MACROD2: variants seen among roughly 807,000 people sequenced by gnomAD.
MACROD2 encodes mono-ADP ribosylhydrolase 2, also known as ADP-ribose glycohydrolase MACROD2.
A neutral mutation model predicts 70.4 loss-of-function variants in MACROD2; 36 were observed. The ratio of observed to expected loss-of-function variants is 0.51; its 90% confidence interval spans 0.39 to 0.68. The LOEUF (loss-of-function observed/expected upper bound fraction) is 0.68, where lower values mean the gene tolerates loss of function less well. MACROD2 is among the 30% of genes least tolerant of loss of function. MACROD2 has a pLI of 0.00. For missense variants in MACROD2, 496 were observed against 538.4 expected (o/e 0.92, Z 0.78); for synonymous variants, 172 against 178.8 (o/e 0.96, Z 0.30).
chr20:14,369,685 G>A (rs536260749), intron 3 of MACROD2, among the ~76,000 whole-genome samples: 36 of 152,160 alleles, frequency 2.4e-4, no homozygotes, highest in African/African-American at 7.7e-4. Flanking sequence ...TGCACTGTCC[G>A]TTGAATACTA....
chr20:14,977,206 C>T (rs1160581088), intron 5 of MACROD2, among the ~76,000 whole-genome samples: 1 of 151,974 alleles, frequency 6.6e-6, no homozygotes, highest in East Asian at 1.9e-4. Flanking sequence ...ATCATAATAA[C>T]CTTCCCTGCC....
At chr20:15,769,305 G>T (rs1020649371) in intron 8 of MACROD2, among the ~76,000 whole-genome samples, 2 of 152,014 alleles carry the variant, frequency 1.3e-5, no homozygotes, top group Admixed American at 1.3e-4. Flanking sequence ...GCGCCACCAC[G>T]CCCGGCTAAT....
intron 8 of MACROD2, among the ~76,000 whole-genome samples, chr20:15,661,711 C>T (rs2049824381): frequency 6.6e-6 from 1 of 152,126 alleles, no homozygotes; most frequent in Non-Finnish European, 1.5e-5. Flanking sequence ...AGGGCAGTAC[C>T]CACATCAAAA....
intron 8 of MACROD2, among the ~76,000 whole-genome samples, chr20:15,716,318 C>G (rs2050706870): frequency 6.6e-6 from 1 of 152,150 alleles, no homozygotes; most frequent in Non-Finnish European, 1.5e-5. Flanking sequence ...GTAAATGTCT[C>G]CTCCAGATAC....
At chr20:15,352,048 A>C (rs1358290438) in intron 6 of MACROD2, among the ~76,000 whole-genome samples, 1 of 152,188 alleles carries the variant, frequency 6.6e-6, no homozygotes, top group Admixed American at 6.5e-5. Context: ...AAATTAGGAG[A>C]TCATCTGGCC....
intron 8 of MACROD2, among the ~76,000 whole-genome samples, chr20:15,744,219 G>A (rs1036800854): frequency 6.6e-6 from 1 of 152,066 alleles, no homozygotes; most frequent in Non-Finnish European, 1.5e-5. Flanking sequence ...ACCAAATATT[G>A]AAAGACTAAA....
At chr20:14,521,787 T>C (rs1261976242) in intron 4 of MACROD2, among the ~76,000 whole-genome samples, 1 of 152,224 alleles carries the variant, frequency 6.6e-6, no homozygotes, top group Non-Finnish European at 1.5e-5. Context: ...GCCATGGATA[T>C]TTTCAGCTCT....
At chr20:14,752,083 C>A (rs868714422) in intron 5 of MACROD2, among the ~76,000 whole-genome samples, 25 of 126,852 alleles carry the variant, frequency 2.0e-4, no homozygotes, top group African/African-American at 7.4e-4. Flanking sequence ...ATCTCCTCAT[C>A]TTTTTTTTTT....
chr20:15,028,027 T>C (rs1338518726), intron 5 of MACROD2, among the ~76,000 whole-genome samples: 2 of 152,206 alleles, frequency 1.3e-5, no homozygotes, highest in Non-Finnish European at 2.9e-5. Flanking sequence ...CAAGCTCTTC[T>C]TCACACTGCA....
In MACROD2 at chr20:15,648,516, A is replaced by G. The variant is rs75562885; in HGVS notation, c.645+148669A>G. Among the ~76,000 whole-genome samples the G allele has an allele frequency of 3.1e-4, 47 of 152,262 alleles. 1 individual carries two copies. In the East Asian group the frequency reaches 9.1e-3, roughly 29 times the overall value. ...ATACAATTCCTCAATACTTCCTATC[A>G]ACCTTAGTGAGCTCCATGGCATACA... On this transcript the variant is annotated intron_variant, in intron 8 of 17. Transcript: ENST00000684519.
chr20:14,284,100 A>G (rs1454688112), intron 3 of MACROD2, among the ~76,000 whole-genome samples: 2 of 152,220 alleles, frequency 1.3e-5, no homozygotes, highest in African/African-American at 4.8e-5. Flanking sequence ...TGCTGTATAA[A>G]AAATAAAGCT....
Position 15,465,248 on chromosome 20 carries a change from AT to A in MACROD2, c.571+33820del, listed in dbSNP as rs532036748. Among the ~76,000 whole-genome samples, 10 of 152,320 alleles carry A rather than the reference AT, an allele frequency of 6.6e-5. No homozygotes were observed. In the South Asian group the frequency reaches 2.1e-3, roughly 32 times the overall value. On this transcript the variant is annotated intron_variant, in intron 7 of 17. Transcript: ENST00000684519. The stretch of plus-strand genomic sequence containing the variant: ...ATGGGATATTTAAAGTATAAATGCT[AT>A]TTTTTTATTTTGTTTTTAAAAAGAT...
intron 16 of MACROD2, 23 bp from the exon 17 acceptor site, chr20:16,044,547 CT>C (rs746866121): frequency 0.028 from 35,371 of 1,253,164 alleles, 37 homozygotes; most frequent in African/African-American, 0.055. Context: ...GAATATTTAA[CT>C]TTTTTTTTTT....
chr20:15,275,946 C>T (rs1411333057), intron 6 of MACROD2, among the ~76,000 whole-genome samples: 1 of 152,098 alleles, frequency 6.6e-6, no homozygotes, highest in Non-Finnish European at 1.5e-5. Context: ...TTCAAATGCA[C>T]AGAAACTTGT....
intron 5 of MACROD2, among the ~76,000 whole-genome samples, chr20:15,077,466 C>T (rs763649504): frequency 1.1e-4 from 16 of 152,200 alleles, no homozygotes; most frequent in South Asian, 8.3e-4. Flanking sequence ...TATGTGAAAG[C>T]GTCTTGAAAT....
intron 3 of MACROD2, among the ~76,000 whole-genome samples, chr20:14,470,497 C>T (rs1454030257): frequency 6.6e-6 from 1 of 152,158 alleles, no homozygotes; most frequent in African/African-American, 2.4e-5. Flanking sequence ...CAGGCAGTAA[C>T]GTTTGTCTGC....
rs191539818 is a variant in MACROD2 at position 15,980,978 on chromosome 20, T to C, written c.986-5749T>C. 2.0e-5 allele frequency among the ~76,000 whole-genome samples: 3 copies of C among 152,304 alleles called. No individual in the cohort carries two copies. The East Asian group carries it at 5.8e-4, about 29-fold the overall frequency. On this transcript the variant is annotated intron_variant, in intron 13 of 17. Coordinates refer to ENST00000684519, the MANE Select transcript of MACROD2 (RefSeq NM_001351661.2). ...GTGTCTAAGTGGCAGGCCTATAGTA[T>C]TGTATAATTTTGTTTTTAGTGGGCC...
chr20:15,704,891 A>G (rs1295730532), intron 8 of MACROD2, among the ~76,000 whole-genome samples: 1 of 152,132 alleles, frequency 6.6e-6, no homozygotes, highest in African/African-American at 2.4e-5. Flanking sequence ...ACATGCATGT[A>G]TGTTTTACCT....
intron 5 of MACROD2, among the ~76,000 whole-genome samples, chr20:14,745,571 A>G (rs1172512085): frequency 6.6e-6 from 1 of 152,140 alleles, no homozygotes; most frequent in Non-Finnish European, 1.5e-5. Context: ...TCCGCTTTTT[A>G]CTAGGTTATT....
Sources: allele counts gnomAD v4.1 joint callset (sites outside exome capture counted in the v4.1 genomes callset), GRCh38; gene constraint gnomAD v4.1.1; transcripts MANE v1.5; gene names NCBI Gene and HGNC (gene_info 2026-07-23, HGNC 2026-07-21).